The following CRTC1 variants were observed in gnomAD, a reference collection of about 807,000 sequenced individuals.
CRTC1 encodes CREB-regulated transcription coactivator 1.
In CRTC1, 18 loss-of-function variants were observed where a neutral mutation model predicts 66.1. The ratio of observed to expected loss-of-function variants is 0.27; its 90% confidence interval spans 0.19 to 0.40. CRTC1 has a LOEUF of 0.40. CRTC1 is among the 10% of genes least tolerant of loss of function. The pLI, the probability that CRTC1 is intolerant of heterozygous loss-of-function variation, is 1.00. For synonymous variants in CRTC1, 416 were observed against 398.8 expected (o/e 1.04, Z -0.51); for missense variants, 669 against 887.9 (o/e 0.75, Z 3.13).
At chr19:18,696,526 CAGG>C (rs1400306372) in intron 1 of CRTC1, among the ~76,000 whole-genome samples, 1 of 152,152 alleles carries the variant, frequency 6.6e-6, no homozygotes, top group Non-Finnish European at 1.5e-5. Flanking sequence ...AATTGAGGCA[CAGG>C]AGGTCACATG....
intron 1 of CRTC1, among the ~76,000 whole-genome samples, chr19:18,718,363 G>T (rs997391318): frequency 1.3e-5 from 2 of 152,022 alleles, no homozygotes; most frequent in Admixed American, 6.6e-5. Flanking sequence ...TTGAGACAGG[G>T]TCTCACTCTG....
chr19:18,776,048 G>A lies in CRTC1; in HGVS notation c.1693+227G>A, dbSNP rs72997393. ...GATGCCTCTGGACCAGACGTCCCGTGCATAGGATAGAGACGGTCACTCTCC... is the reference window on the plus strand; with the variant it reads ...GATGCCTCTGGACCAGACGTCCCGTACATAGGATAGAGACGGTCACTCTCC... On this transcript the variant is annotated intron_variant, in intron 13 of 13. Transcript: ENST00000321949. 4.6e-3 allele frequency among the ~76,000 whole-genome samples: 706 copies of A among 152,302 alleles called. 7 individuals carry two copies. The highest frequency in any genetic ancestry group is 7.5e-3 in the Non-Finnish European group (510 of 68,014).
intron 9 of CRTC1, among the ~76,000 whole-genome samples, chr19:18,765,952 C>T (rs1417309830): frequency 6.7e-6 from 1 of 150,124 alleles, no homozygotes; most frequent in Admixed American, 6.6e-5. Context: ...CAGAGTGAGA[C>T]TCTGTTTCAA....
At chr19:18,746,121 G>T (rs999861484) in intron 3 of CRTC1, among the ~76,000 whole-genome samples, 161 bp downstream of exon 3, 1 of 152,194 alleles carries the variant, frequency 6.6e-6, no homozygotes, top group Non-Finnish European at 1.5e-5. Flanking sequence ...GGCAGCCTGG[G>T]GGACTTCCTG....
At chr19:18,729,071 C>G (rs2053826527) in intron 1 of CRTC1, among the ~76,000 whole-genome samples, 1 of 149,848 alleles carries the variant, frequency 6.7e-6, no homozygotes, top group South Asian at 2.1e-4. Flanking sequence ...CCTTGGCCTC[C>G]CAAAGTGCTG....
intron 1 of CRTC1, among the ~76,000 whole-genome samples, chr19:18,737,903 A>C (rs990843642): frequency 2.6e-5 from 4 of 152,040 alleles, no homozygotes; most frequent in Non-Finnish European, 4.4e-5. Flanking sequence ...TCTTTTCTTT[A>C]GCTTTATTGT....
At chr19:18,750,123 C>T (rs901630064) in intron 5 of CRTC1, among the ~76,000 whole-genome samples, 2 of 152,222 alleles carry the variant, frequency 1.3e-5, no homozygotes, top group African/African-American at 4.8e-5. Context: ...GCTCCCATTC[C>T]TGGATTGAGG....
intron 1 of CRTC1, among the ~76,000 whole-genome samples, chr19:18,686,830 C>T (rs1260890180): frequency 1.3e-5 from 2 of 151,760 alleles, no homozygotes; most frequent in Non-Finnish European, 2.9e-5. Context: ...GGTGATTCTG[C>T]CCCCCAGGGG....
rs765059943 is a variant in CRTC1, at chr19:18,782,226, C to T, written c.*4844C>T. 4.4e-6 allele frequency: 1 copy of T among 226,622 alleles called. No homozygotes were observed. The highest frequency in any genetic ancestry group is 8.8e-6 in the Non-Finnish European group (1 of 113,982). The allele number at this position is 226,622 out of a possible 1,614,324, so 14.0% of individuals were successfully genotyped here. On this transcript the variant is annotated 3_prime_UTR_variant, in exon 14 of 14. Transcript: ENST00000321949. ...CCGCAGCGGGCGGGGGCAGGCGGCT[C>T]AGGGCACACTCGGCCGTCCCTGCCC...
intron 6 of CRTC1, among the ~76,000 whole-genome samples, chr19:18,753,833 C>T (rs2054425480): frequency 6.6e-6 from 1 of 152,150 alleles, no homozygotes; most frequent in Non-Finnish European, 1.5e-5. Flanking sequence ...GGTGCGGTGG[C>T]TCACACCTGT....
In CRTC1 at chr19:18,777,586, C is replaced by A. The variant is rs1039802278; in HGVS notation, c.*204C>A. ...CCGCGAGCCGGGCCGTCCACCCACC[C>A]GCCCGCCCAGGGCTGGGCTGGGATC... On this transcript the variant is annotated 3_prime_UTR_variant, in exon 14 of 14. Transcript: ENST00000321949. The surrounding 1 kb of genome is among the most constrained non-coding windows in gnomAD (Gnocchi z 5.5). 16 of 557,174 alleles carry A rather than the reference C, an allele frequency of 2.9e-5. No homozygotes were observed. In the Admixed American group the frequency reaches 5.3e-4, roughly 18 times the overall value. 34.5% of individuals were successfully genotyped at this position (557,174 alleles called of 1,614,324 possible). A position where few individuals can be genotyped will look rare whatever the true frequency, so the allele number is the denominator to read the frequency against.
rs1245345054 is a variant in CRTC1 at position 18,727,600 on chromosome 19, A to AAAAAAAAAAAAG, written c.127-15310_127-15309insAAAAAAAAAAAG. ...TGTCTCAAAAAAAAAAAAAAAAAGA[A>AAAAAAAAAAAAG]GAAGAAAGGGAAAAGGACACAAGCA... On this transcript the variant is annotated intron_variant, in intron 1 of 13. Transcript: ENST00000321949. Among the ~76,000 whole-genome samples the AAAAAAAAAAAAG allele has an allele frequency of 1.4e-4, 21 of 149,732 alleles. 1 individual carries two copies. The highest frequency in any genetic ancestry group is 5.0e-4 in the African/African-American group (20 of 40,392).
At chr19:18,748,089 TAAC>T (rs1366403716) in intron 4 of CRTC1, among the ~76,000 whole-genome samples, 3 of 152,018 alleles carry the variant, frequency 2.0e-5, no homozygotes, top group Non-Finnish European at 4.4e-5. Flanking sequence ...AGGCCTAAAA[TAAC>T]AATAATATAG....
At chr19:18,735,002 G>A (rs748848834) in intron 1 of CRTC1, among the ~76,000 whole-genome samples, 4 of 152,204 alleles carry the variant, frequency 2.6e-5, no homozygotes, top group Non-Finnish European at 4.4e-5. Context: ...CCCCTATGGC[G>A]AGGCGTCCGG....
intron 1 of CRTC1, among the ~76,000 whole-genome samples, chr19:18,686,473 C>T (rs2052686225): frequency 6.6e-6 from 1 of 152,072 alleles, no homozygotes; most frequent in African/African-American, 2.4e-5. Context: ...CATGGTGAAA[C>T]CCGTCTCCAC....
chr19:18,702,016 C>T (rs771823372), intron 1 of CRTC1, among the ~76,000 whole-genome samples: 3 of 146,944 alleles, frequency 2.0e-5, no homozygotes, highest in Admixed American at 1.4e-4. Context: ...CTCCTCCTCC[C>T]GGGTTCAAGC....
chr19:18,775,502 T>C (rs1272419300), intron 12 of CRTC1, 139 bp from the exon 13 acceptor site: 1 of 754,868 alleles, frequency 1.3e-6, no homozygotes, highest in African/African-American at 1.8e-5. Context: ...GGTTCGTGCT[T>C]GGCAGCCTGG....
intron 1 of CRTC1, among the ~76,000 whole-genome samples, chr19:18,690,497 C>G (rs1325422924): frequency 1.3e-5 from 2 of 152,188 alleles, no homozygotes; most frequent in African/African-American, 4.8e-5. Context: ...TCATCACTCT[C>G]CAGGCCCCTC....
chr19:18,737,744 T>A (rs2054029933), intron 1 of CRTC1, among the ~76,000 whole-genome samples: 1 of 151,442 alleles, frequency 6.6e-6, no homozygotes. Flanking sequence ...CTGCTGCTCC[T>A]CCTCCTCCTC....
Sources: allele counts gnomAD v4.1 joint callset (sites outside exome capture counted in the v4.1 genomes callset), GRCh38; gene constraint gnomAD v4.1.1; non-coding constraint Gnocchi (gnomAD v3.1); transcripts MANE v1.5; gene names NCBI Gene and HGNC (gene_info 2026-07-23, HGNC 2026-07-21).